Variants in ZNF423 observed in about 807,000 individuals in gnomAD.
ZNF423 encodes zinc finger protein 423, also known as Ebf-associated zinc finger protein.
Under a neutral mutation model 95.8 loss-of-function variants are expected in ZNF423, and 12 were observed. The ratio of observed to expected loss-of-function variants is 0.13; its 90% CI spans 0.08 to 0.20. The LOEUF (loss-of-function observed/expected upper bound fraction) is 0.20. ZNF423 is among the 10% of genes least tolerant of loss of function. The pLI, the probability that ZNF423 is intolerant of heterozygous loss-of-function variation, is 1.00. For missense variants in ZNF423, 1,316 were observed against 1,737.1 expected, an observed-to-expected ratio of 0.76 and a Z score of 4.31; for synonymous variants, 749 against 711.9, an observed-to-expected ratio of 1.05 and a Z score of -0.83.
At chr16:49,534,256 T>A (rs901131031) in intron 5 of ZNF423, among the ~76,000 whole-genome samples, 61 of 151,944 alleles carry the variant, frequency 4.0e-4, no homozygotes, top group African/African-American at 1.4e-3. Flanking sequence ...TTGTTTTTTT[T>A]TTTTTGTTTG....
At chr16:49,526,901 T>C (rs1204450491) in intron 5 of ZNF423, among the ~76,000 whole-genome samples, 1 of 151,384 alleles carries the variant, frequency 6.6e-6, no homozygotes, top group Non-Finnish European at 1.5e-5. Flanking sequence ...GGTGAGAGTA[T>C]TATCTGGGAC....
chr16:49,815,508 G>C (rs1402455330), intron 1 of ZNF423, among the ~76,000 whole-genome samples: 4 of 152,142 alleles, frequency 2.6e-5, no homozygotes, highest in Non-Finnish European at 4.4e-5. Context: ...CTGAGGCACA[G>C]GGAAGTGGTA....
At chr16:49,549,975 C>T (rs1031462078) in intron 5 of ZNF423, among the ~76,000 whole-genome samples, 3 of 152,030 alleles carry the variant, frequency 2.0e-5, no homozygotes, top group African/African-American at 4.8e-5. Flanking sequence ...CAGACTCAAG[C>T]GATCCTCCCA....
chr16:49,581,222 C>A lies in ZNF423; in HGVS notation c.3601+44948G>T, dbSNP rs80218531. On this transcript the variant is annotated intron_variant, in intron 5 of 7. Coordinates refer to ENST00000563137, the MANE Select transcript of ZNF423 (RefSeq NM_001379286.1). Reference sequence around the variant, plus strand: ...ACATTAAACATTTCTAAAGTCTCCTCTCTTTTCCATGGCTGATTAAGCAAT... The same window carrying A: ...ACATTAAACATTTCTAAAGTCTCCTATCTTTTCCATGGCTGATTAAGCAAT... Among the ~76,000 whole-genome samples, 598 of 152,290 alleles carry A rather than the reference C, an allele frequency of 3.9e-3. 11 individuals carry two copies. The highest frequency in any genetic ancestry group is 0.013 in the African/African-American group (550 of 41,556).
At chr16:49,854,554 C>A (rs1225905466) in intron 1 of ZNF423, 1 of 985,298 alleles carries the variant, frequency 1.0e-6, no homozygotes, top group African/African-American at 1.7e-5. Context: ...GGCCTGGGGG[C>A]TTTTGGCTCC....
chr16:49,588,384 A>G (rs1970908503), intron 5 of ZNF423, among the ~76,000 whole-genome samples: 1 of 152,208 alleles, frequency 6.6e-6, no homozygotes, highest in Admixed American at 6.5e-5. Context: ...GCTGAGGCTA[A>G]GCCCCATCCC....
Position 49,828,475 on chromosome 16 carries a change from C to T in ZNF423, c.40+27260G>A, listed in dbSNP as rs531199500. Among the ~76,000 whole-genome samples the T allele has an allele frequency of 4.6e-5, 7 of 152,290 alleles. No individual in the cohort carries two copies. In the South Asian group the frequency reaches 1.5e-3, roughly 32 times the overall value. On this transcript the variant is annotated intron_variant, in intron 1 of 7. Transcript: ENST00000563137. Reference sequence around the variant, plus strand: ...GAGTTTGTGAAAATATATATAATTACTCACACCGACACTTCCCACTGAAAA... The same window carrying T: ...GAGTTTGTGAAAATATATATAATTATTCACACCGACACTTCCCACTGAAAA...
At chr16:49,495,414 C>T (rs1439866837) in intron 7 of ZNF423, among the ~76,000 whole-genome samples, 1 of 152,142 alleles carries the variant, frequency 6.6e-6, no homozygotes, top group Non-Finnish European at 1.5e-5. Context: ...GTGAGACCCA[C>T]AAAAAGAGCC....
intron 3 of ZNF423, among the ~76,000 whole-genome samples, chr16:49,721,115 C>A (rs1393219951): frequency 6.6e-6 from 1 of 152,196 alleles, no homozygotes; most frequent in Admixed American, 6.5e-5. Context: ...TCTCTGGAGG[C>A]CCTGGAGGAC....
At chr16:49,857,589 C>T (rs1206868482), upstream of ZNF423, among the ~76,000 whole-genome samples, 1 of 152,130 alleles carries the variant, frequency 6.6e-6, no homozygotes, top group African/African-American at 2.4e-5. This position sits in a 1 kb window ranked among gnomAD's most constrained non-coding sequence, Gnocchi z 6.2. Context: ...TGGCTTTTGC[C>T]CACCGGTCGG....
chr16:49,688,298 G>A (rs2031647847), intron 3 of ZNF423, among the ~76,000 whole-genome samples: 1 of 152,092 alleles, frequency 6.6e-6, no homozygotes, highest in Admixed American at 6.5e-5. Flanking sequence ...ATTGCAATAT[G>A]GACTCTAAAA....
rs950900299 is a variant in ZNF423, at chr16:49,679,663, G to A, written c.302-40789C>T. On this transcript the variant is annotated intron_variant, in intron 3 of 7. Coordinates refer to ENST00000563137, the MANE Select transcript of ZNF423 (RefSeq NM_001379286.1). ...CAGCGTGGGCCTGCAGGTGCCCCTC[G>A]GCACAAACAGTCTGGGTGCTGTGGA... Among the ~76,000 whole-genome samples, 8 of 152,200 alleles carry A rather than the reference G, an allele frequency of 5.3e-5. No homozygotes were observed. In the East Asian group the frequency reaches 5.8e-4, roughly 11 times the overall value.
chr16:49,572,644 A>G (rs1597120509), intron 5 of ZNF423, among the ~76,000 whole-genome samples: 2 of 152,192 alleles, frequency 1.3e-5, no homozygotes, highest in Non-Finnish European at 2.9e-5. Flanking sequence ...GATTGTGAGT[A>G]ACGGCACGAG....
intron 1 of ZNF423, among the ~76,000 whole-genome samples, chr16:49,796,163 C>T (rs2034495995): frequency 6.6e-6 from 1 of 152,090 alleles, no homozygotes; most frequent in South Asian, 2.1e-4. Context: ...ATGCTGTCGC[C>T]CCAACTCCAC....
rs1968489668 is a variant in ZNF423 at position 49,523,607 on chromosome 16, CG to C, written c.3849+16del. 1.2e-6 allele frequency: 2 copies of C among 1,604,290 alleles called. No homozygotes were observed. The highest frequency in any genetic ancestry group is 1.7e-6 in the Non-Finnish European group (2 of 1,171,122). ...AGGACCATCAGGCGGCGTGGTGCAG[CG>C]GATGTGGGCACCCACCTGCAGCTCG... On this transcript the variant is annotated intron_variant, in intron 7 of 7. Coordinates refer to ENST00000563137, the MANE Select transcript of ZNF423 (RefSeq NM_001379286.1).
rs60000283 is a variant in ZNF423 at position 49,528,844 on chromosome 16, C to A, written c.3602-3350G>T. 6.7e-3 allele frequency among the ~76,000 whole-genome samples: 1,026 copies of A among 152,082 alleles called. 5 individuals are homozygous for A. Among genetic ancestry groups the A allele is most frequent in the African/African-American group, 0.023 (947 of 41,470 alleles). ...AAACACTCCTTTGCGTGCTGGTGAC[C>A]CAATGTGAGCCAGCCCATGGATATT... On this transcript the variant is annotated intron_variant, in intron 5 of 7. Transcript: ENST00000563137.
At chr16:49,808,748 G>A (rs796404829) in intron 1 of ZNF423, among the ~76,000 whole-genome samples, 12 of 152,318 alleles carry the variant, frequency 7.9e-5, no homozygotes, top group African/African-American at 2.4e-4. Context: ...CCCCAGGGCC[G>A]TTAGCAGAGG....
chr16:49,805,930 G>C lies in ZNF423; in HGVS notation c.41-16384C>G, dbSNP rs148744892. 6.6e-4 allele frequency among the ~76,000 whole-genome samples: 101 copies of C among 152,374 alleles called. 2 individuals are homozygous for C. In the East Asian group the frequency reaches 0.016, roughly 24 times the overall value. On this transcript the variant is annotated intron_variant, in intron 1 of 7. Transcript: ENST00000563137. ...TCCATCCAGGGTTGCAATGTGTGCG[G>C]AAAATTCCCTTTCTGGGGAACCGCC...
At chr16:49,830,511 G>C (rs1422930652) in intron 1 of ZNF423, among the ~76,000 whole-genome samples, 1 of 152,196 alleles carries the variant, frequency 6.6e-6, no homozygotes, top group Non-Finnish European at 1.5e-5. Flanking sequence ...ATGTTGGCCT[G>C]AGATTGGTGC....
Sources: allele counts gnomAD v4.1 joint callset (sites outside exome capture counted in the v4.1 genomes callset), GRCh38; gene constraint gnomAD v4.1.1; non-coding constraint Gnocchi (gnomAD v3.1); transcripts MANE v1.5; gene names NCBI Gene and HGNC (gene_info 2026-07-23, HGNC 2026-07-21).